Variants in IWS1 observed in about 807,000 individuals in gnomAD.
IWS1 encodes protein IWS1 homolog.
IWS1 carries 27 observed loss-of-function variants against 86.7 expected under a neutral mutation model. That is an observed-to-expected ratio of 0.31 (90% CI 0.23 to 0.43). The LOEUF is 0.43. Ranked by LOEUF, IWS1 falls within the 20% of genes least tolerant of loss-of-function variation. IWS1 has a pLI of 1.00. For missense variants in IWS1, 827 were observed against 1,000.8 expected (o/e 0.83, Z 2.34); for synonymous variants, 313 against 335.1 (o/e 0.93, Z 0.72).
At chr2:127,481,946 C>T (rs1689654075) in intron 13 of IWS1, among the ~76,000 whole-genome samples, 1 of 151,902 alleles carries the variant, frequency 6.6e-6, no homozygotes, top group African/African-American at 2.4e-5. Flanking sequence ...ACCCATTTGC[C>T]CTTCATGTTT....
At position 127,493,378 on chromosome 2, in the gene IWS1, C is replaced by T; in HGVS notation, c.1832G>A (p.Gly611Asp). ...QDLKETFIDSGVMSAIKEWLS... is the reference protein window; with the variant it reads ...QDLKETFIDSDVMSAIKEWLS... The stretch of plus-strand genomic sequence containing the variant: ...CCATTCTTTGATGGCAGACATCACA[C>T]CACTGTCAATGAATGTTTCTTTAAG... Residue 611 changes from glycine (G) to aspartate (D), a missense_variant, in exon 9 of 14, where the codon GGT becomes GAT. Coordinates refer to ENST00000295321, the MANE Select transcript of IWS1 (RefSeq NM_017969.3). 1 of 1,611,910 alleles carries T rather than the reference C, an allele frequency of 6.2e-7. No individual in the cohort carries two copies. Among genetic ancestry groups the T allele is most frequent in the Non-Finnish European group, 8.5e-7 (1 of 1,179,296 alleles).
At chr2:127,490,939 C>T (rs891284153) in intron 10 of IWS1, 3 of 152,154 alleles carry the variant, frequency 2.0e-5, no homozygotes, top group African/African-American at 7.2e-5. Flanking sequence ...TCTATTCGAA[C>T]GTAGTAGTTA....
chr2:127,504,947 T>A lies in IWS1; in HGVS notation c.956A>T (p.Asp319Val). ...TGGCTTCTGTTTGTGTCTGGACGCA[T>A]CCTCAGTTTCTGAGTCACTGGCAGG... ...KGPASDSETE[D>V]ASRHKQKPES... The change falls in exon 3 of 14, where the codon GAT (aspartate) becomes GTT (valine). Residue 319 changes from aspartate to valine, a missense_variant. Physicochemically the swap from Asp to Val is radical, Grantham distance 152. This residue lies in a region of IWS1 where 548 missense variants were observed against 560.2 expected (regional missense o/e 0.98). Transcript: ENST00000295321. 6.2e-7 allele frequency: 1 copy of A among 1,614,188 alleles called. No individual in the cohort carries two copies. The highest frequency in any genetic ancestry group is 8.5e-7 in the Non-Finnish European group (1 of 1,180,034).
intron 12 of IWS1, 28 bp from the exon 13 acceptor site, chr2:127,486,692 T>C: frequency 1.9e-6 from 3 of 1,569,950 alleles, no homozygotes; most frequent in Non-Finnish European, 2.6e-6. Flanking sequence ...AAGAGCATGC[T>C]TCTTATGTGG....
intron 2 of IWS1, 85 bp downstream of exon 2, chr2:127,523,591 A>G: frequency 1.1e-6 from 1 of 870,162 alleles, no homozygotes; most frequent in South Asian, 1.6e-5. Context: ...AAACTCTGTC[A>G]CAGAGATTCT....
chr2:127,522,226 G>A (rs1255684169), intron 2 of IWS1, among the ~76,000 whole-genome samples: 2 of 152,098 alleles, frequency 1.3e-5, no homozygotes, highest in African/African-American at 4.8e-5. Flanking sequence ...GTCTTTGCCA[G>A]GGATGTTCTT....
At chr2:127,501,537 T>A (rs1403467802) in intron 5 of IWS1, among the ~76,000 whole-genome samples, 3 of 152,322 alleles carry the variant, frequency 2.0e-5, no homozygotes, top group South Asian at 2.1e-4. Flanking sequence ...CTTTCATTAT[T>A]CCAATTTTTG....
chr2:127,504,159 T>C (rs1401347125), intron 3 of IWS1, among the ~76,000 whole-genome samples: 1 of 152,246 alleles, frequency 6.6e-6, no homozygotes, highest in Non-Finnish European at 1.5e-5. Flanking sequence ...TCTGTGCAAA[T>C]GGAGTCTTAG....
chr2:127,501,638 A>T (rs1690818818), intron 5 of IWS1: 1 of 152,100 alleles, frequency 6.6e-6, no homozygotes. Context: ...CTTCTAAGCC[A>T]TCTTCCAGTT....
chr2:127,495,574 T>C (rs910914567), intron 7 of IWS1, among the ~76,000 whole-genome samples: 1 of 152,216 alleles, frequency 6.6e-6, no homozygotes, highest in Non-Finnish European at 1.5e-5. Flanking sequence ...TCTGAACTTG[T>C]TTTTTAAACA....
At chr2:127,497,121 CG>C (rs1378111642) in intron 6 of IWS1, among the ~76,000 whole-genome samples, 1 of 152,162 alleles carries the variant, frequency 6.6e-6, no homozygotes, top group Non-Finnish European at 1.5e-5. Context: ...TGTTGTTAAG[CG>C]ACGCATGACT....
In IWS1 at chr2:127,505,704, T is replaced by A; in HGVS notation, c.199A>T (p.Thr67Ser). ...EDGLPKGHHV[T>S]DSENDEPLNL... The stretch of plus-strand genomic sequence containing the variant: ...AAGGGCTCATCGTTCTCAGAGTCTG[T>A]CACATGATGTCCTTTGGGGAGGCCA... The change falls in exon 3 of 14, where the codon ACA becomes TCA. Residue 67 changes from threonine to serine, a missense_variant. Coordinates refer to ENST00000295321, the MANE Select transcript of IWS1 (RefSeq NM_017969.3). The surrounding 1 kb of genome is among the most constrained non-coding windows in gnomAD (Gnocchi z 5.0). 6.2e-7 allele frequency: 1 copy of A among 1,611,218 alleles called. No homozygotes were observed. Among genetic ancestry groups the A allele is most frequent in the Non-Finnish European group, 8.5e-7 (1 of 1,179,330 alleles).
chr2:127,494,871 C>T lies in IWS1; in HGVS notation c.1799+1G>A. On this transcript the variant is annotated splice_donor_variant, in intron 8 of 13. Transcript: ENST00000295321. LOFTEE classifies it high-confidence loss of function. ...CATTTTAAAGAAAACAAAATACTTA[C>T]TTCTTAAGGTGCATAACTACAGCAG... 6.4e-7 allele frequency: 1 copy of T among 1,555,112 alleles called. No individual in the cohort carries two copies. The highest frequency in any genetic ancestry group is 8.7e-7 in the Non-Finnish European group (1 of 1,143,184).
chr2:127,484,919 C>T (rs1037442078), intron 13 of IWS1, among the ~76,000 whole-genome samples: 1 of 152,140 alleles, frequency 6.6e-6, no homozygotes, highest in Non-Finnish European at 1.5e-5. Flanking sequence ...ATGGTGTGAA[C>T]CCAGGAGGCG....
chr2:127,489,848 GTTGAGGC>G lies in IWS1; in HGVS notation c.2136_2142del (p.Met712IlefsTer5), dbSNP rs1174841894. ...CCCTCATACCTGTTCATTCTTCGTC[GTTGAGGC>G]ATCTGTTCTAGATCTCTCTGCTCCC... On this transcript the variant is annotated frameshift_variant, in exon 11 of 14. Coordinates refer to ENST00000295321, the MANE Select transcript of IWS1 (RefSeq NM_017969.3). LOFTEE classifies it high-confidence loss of function. This position sits in a 1 kb window ranked among gnomAD's most constrained non-coding sequence, Gnocchi z 4.8. 1 of 1,601,140 alleles carries G rather than the reference GTTGAGGC, an allele frequency of 6.2e-7. No individual in the cohort carries two copies. The highest frequency in any genetic ancestry group is 2.2e-5 in the East Asian group (1 of 44,804).
chr2:127,526,402 A>C lies in IWS1; in HGVS notation c.-194T>G. The C allele has an allele frequency of 6.5e-7, 1 of 1,535,918 alleles. No homozygotes were observed. Among genetic ancestry groups the C allele is most frequent in the South Asian group, 1.2e-5 (1 of 83,226 alleles). ...TTTGACCTGGAAGCCCCGGCGGAAA[A>C]GGCCGTACCCGGCAGGCTGGCGGGC... is the stretch of plus-strand genomic sequence containing the variant. On this transcript the variant is annotated 5_prime_UTR_variant, in exon 1 of 14. Transcript: ENST00000295321.
At chr2:127,513,292 T>A (rs182466505) in intron 2 of IWS1, among the ~76,000 whole-genome samples, 110 of 152,192 alleles carry the variant, frequency 7.2e-4, no homozygotes, top group African/African-American at 2.6e-3. Flanking sequence ...TTGGAAACCA[T>A]ATAATAACAC....
chr2:127,513,036 T>C (rs1691558232), intron 2 of IWS1, among the ~76,000 whole-genome samples: 1 of 151,664 alleles, frequency 6.6e-6, no homozygotes, highest in Non-Finnish European at 1.5e-5. Flanking sequence ...AGGTCAGGAG[T>C]TCAAGACCAG....
intron 1 of IWS1, 143 bp downstream of exon 1, chr2:127,526,032 A>G: frequency 2.8e-6 from 2 of 716,090 alleles, no homozygotes; most frequent in Non-Finnish European, 4.6e-6. Context: ...GCAGCTGGTC[A>G]GAGGGCTCTT....
Sources: allele counts gnomAD v4.1 joint callset (sites outside exome capture counted in the v4.1 genomes callset), GRCh38; gene constraint gnomAD v4.1.1; regional missense constraint gnomAD v4.1.1; non-coding constraint Gnocchi (gnomAD v3.1); transcripts MANE v1.5; gene names NCBI Gene and HGNC (gene_info 2026-07-23, HGNC 2026-07-21).